KCNH8: variants seen among roughly 807,000 people sequenced by gnomAD.
The protein encoded by KCNH8 is potassium voltage-gated channel subfamily H member 8, also known as voltage-gated delayed rectifier potassium channel KCNH8.
Under a neutral mutation model 103.6 loss-of-function variants are expected in KCNH8, and 70 were observed. That is an observed-to-expected ratio of 0.68 (90% CI 0.56 to 0.82). The LOEUF (loss-of-function observed/expected upper bound fraction) is 0.82. KCNH8 is among the 40% of genes least tolerant of loss of function. The pLI is 0.00. For synonymous variants in KCNH8, 498 were observed against 489.4 expected (o/e 1.02, Z -0.23); for missense variants, 1,217 against 1,329.9 (o/e 0.92, Z 1.32).
At chr3:19,508,639 A>T (rs1313396742) in intron 11 of KCNH8, among the ~76,000 whole-genome samples, 1 of 152,170 alleles carries the variant, frequency 6.6e-6, no homozygotes, top group African/African-American at 2.4e-5. Flanking sequence ...GTTGGTCATG[A>T]GCTCTTACTA....
chr3:19,434,077 G>A (rs1250714984), intron 7 of KCNH8, among the ~76,000 whole-genome samples: 3 of 152,136 alleles, frequency 2.0e-5, no homozygotes, highest in Non-Finnish European at 4.4e-5. Context: ...AAGATGTGGG[G>A]TACACAGGTG....
intron 15 of KCNH8, among the ~76,000 whole-genome samples, chr3:19,530,169 G>C (rs1055779536): frequency 2.0e-5 from 3 of 152,144 alleles, no homozygotes; most frequent in African/African-American, 7.2e-5. Context: ...GAGAGGTTAG[G>C]ATGAAGACAG....
At chr3:19,260,999 T>G (rs1406061590) in intron 2 of KCNH8, among the ~76,000 whole-genome samples, 2 of 147,610 alleles carry the variant, frequency 1.4e-5, no homozygotes, top group African/African-American at 2.5e-5. Context: ...TATATCAGTT[T>G]ATTTATCAAA....
chr3:19,198,126 A>G (rs2063620299), intron 1 of KCNH8, among the ~76,000 whole-genome samples: 1 of 152,096 alleles, frequency 6.6e-6, no homozygotes, highest in African/African-American at 2.4e-5. Context: ...TGTGCCTGAC[A>G]TAGAGATAAA....
intron 11 of KCNH8, among the ~76,000 whole-genome samples, chr3:19,499,713 A>C (rs930795537): frequency 2.0e-5 from 3 of 152,198 alleles, no homozygotes; most frequent in Non-Finnish European, 4.4e-5. Context: ...AGGATAAATA[A>C]AATCCTTTAC....
At chr3:19,354,674 C>A (rs2065853874) in intron 5 of KCNH8, among the ~76,000 whole-genome samples, 1 of 152,110 alleles carries the variant, frequency 6.6e-6, no homozygotes. Flanking sequence ...AACTGGCTAG[C>A]AATATGTAGA....
chr3:19,496,417 T>A (rs921852059), intron 11 of KCNH8, among the ~76,000 whole-genome samples: 2 of 152,214 alleles, frequency 1.3e-5, no homozygotes, highest in African/African-American at 4.8e-5. Flanking sequence ...ATGTTGAATT[T>A]TATCAAAAGA....
At chr3:19,443,413 T>C (rs1235394279) in intron 8 of KCNH8, among the ~76,000 whole-genome samples, 2 of 150,370 alleles carry the variant, frequency 1.3e-5, no homozygotes, top group Admixed American at 1.3e-4. Context: ...CACACACACA[T>C]ATATATACAC....
chr3:19,277,608 A>G (rs985835016), intron 2 of KCNH8, among the ~76,000 whole-genome samples: 19 of 152,134 alleles, frequency 1.2e-4, no homozygotes, highest in Non-Finnish European at 2.6e-4. Context: ...CAATAAAAAG[A>G]AATACACAAA....
chr3:19,251,427 G>A (rs542413772), intron 1 of KCNH8, among the ~76,000 whole-genome samples: 1 of 152,214 alleles, frequency 6.6e-6, no homozygotes, highest in Non-Finnish European at 1.5e-5. Context: ...AGAAGAGCCA[G>A]CTGGGCAGAG....
intron 11 of KCNH8, among the ~76,000 whole-genome samples, chr3:19,466,649 ATTTTTTTTTTTTTTTTTT>A (rs869048680): frequency 2.0e-5 from 1 of 50,610 alleles, no homozygotes; most frequent in East Asian, 6.7e-4. Context: ...GTAGCAATAC[ATTTTTTTTTTTTTTTTTT>A]TTTTTTTTTT....
At chr3:19,298,774 T>C (rs2065026570) in intron 3 of KCNH8, among the ~76,000 whole-genome samples, 1 of 151,764 alleles carries the variant, frequency 6.6e-6, no homozygotes, top group South Asian at 2.1e-4. Context: ...TATAAAAAAT[T>C]AGCCGGGCCT....
chr3:19,413,828 A>G (rs1294274564), intron 7 of KCNH8, among the ~76,000 whole-genome samples: 2 of 151,988 alleles, frequency 1.3e-5, no homozygotes, highest in African/African-American at 4.8e-5. Flanking sequence ...CTGAAAAACA[A>G]CTCTTGTTGC....
At chr3:19,308,698 CTCTCTCTCTCTCTCTCTCT>C (rs1559470046) in intron 3 of KCNH8, among the ~76,000 whole-genome samples, 19 of 77,190 alleles carry the variant, frequency 2.5e-4, no homozygotes, top group Non-Finnish European at 3.5e-4. Flanking sequence ...CTCTCTCTCT[CTCTCTCTCTCTCTCTCTCT>C]CCCCCTCTCT....
intron 2 of KCNH8, among the ~76,000 whole-genome samples, chr3:19,256,370 C>T (rs1217447399): frequency 2.6e-5 from 4 of 151,986 alleles, no homozygotes; most frequent in Non-Finnish European, 5.9e-5. Context: ...TACATAAGGC[C>T]TACATAGCAA....
At chr3:19,446,879 T>C (rs1006407789) in intron 8 of KCNH8, among the ~76,000 whole-genome samples, 2 of 152,032 alleles carry the variant, frequency 1.3e-5, no homozygotes, top group Non-Finnish European at 2.9e-5. Flanking sequence ...GGCAGTTCTA[T>C]AGAAGCACTT....
chr3:19,436,362 A>T (rs2125170145), intron 7 of KCNH8, among the ~76,000 whole-genome samples: 1 of 152,328 alleles, frequency 6.6e-6, no homozygotes, highest in East Asian at 1.9e-4. Context: ...CAGCATAAAA[A>T]AATGATTGGA....
intron 1 of KCNH8, among the ~76,000 whole-genome samples, chr3:19,239,155 C>A (rs923944153): frequency 2.0e-5 from 3 of 151,286 alleles, no homozygotes; most frequent in Admixed American, 6.6e-5. Flanking sequence ...ACAAATAGGA[C>A]TTTTTTTTTC....
intron 1 of KCNH8, among the ~76,000 whole-genome samples, chr3:19,173,562 C>T (rs1028660036): frequency 5.9e-5 from 9 of 151,980 alleles, no homozygotes; most frequent in African/African-American, 2.2e-4. Flanking sequence ...GCTCTGTGCC[C>T]AGTTTGTAAG....
Sources: gnomAD v4.1 joint callset for allele counts (sites outside exome capture counted in the v4.1 genomes callset) on GRCh38, gnomAD v4.1.1 for gene constraint, MANE v1.5 for transcripts, NCBI Gene and HGNC (gene_info 2026-07-23, HGNC 2026-07-21) for gene names.